ADAMTSL4: variants seen among roughly 807,000 people sequenced by gnomAD.
ADAMTSL4 encodes ADAMTS like 4, also known as ADAMTS-like protein 4.
A neutral mutation model predicts 122.8 loss-of-function variants in ADAMTSL4; 97 were observed. The ratio of observed to expected loss-of-function variants is 0.79; its 90% CI spans 0.67 to 0.93. The LOEUF (loss-of-function observed/expected upper bound fraction) is 0.93. Among genes scored for constraint, ADAMTSL4 ranks in the 40% least tolerant of loss-of-function variants. The pLI is 0.00. For missense variants in ADAMTSL4, 1,408 were observed against 1,453.5 expected, an observed-to-expected ratio of 0.97 and a Z score of 0.51; for synonymous variants, 592 against 568.0, an observed-to-expected ratio of 1.04 and a Z score of -0.60.
Position 150,554,793 on chromosome 1 carries a change from G to T in ADAMTSL4, c.1234+326G>T. On this transcript the variant is annotated intron_variant, in intron 7 of 18. Coordinates refer to ENST00000271643, the MANE Select transcript of ADAMTSL4 (RefSeq NM_019032.6). This position sits in a 1 kb window ranked among gnomAD's most constrained non-coding sequence, Gnocchi z 4.0. Reference sequence around the variant, plus strand: ...GTCCAGCCGTGACAGCCAGGTGGGGGTGTGCCACGCATCCTGGGCACTGTC... The same window carrying T: ...GTCCAGCCGTGACAGCCAGGTGGGGTTGTGCCACGCATCCTGGGCACTGTC... 1.2e-6 allele frequency: 1 copy of T among 804,232 alleles called. No homozygotes were observed. The highest frequency in any genetic ancestry group is 2.7e-5 in the East Asian group (1 of 37,122). 49.8% of individuals were successfully genotyped at this position (804,232 alleles called of 1,614,324 possible). A position where few individuals can be genotyped will look rare whatever the true frequency, so the allele number is the denominator to read the frequency against.
intron 2 of ADAMTSL4, chr1:150,550,415 C>T: frequency 2.3e-6 from 1 of 430,756 alleles, no homozygotes; most frequent in Non-Finnish European, 4.7e-6. Flanking sequence ...CACGTCACCC[C>T]CACCCCTCAC....
Position 150,559,254 on chromosome 1 carries a change from T to C in ADAMTSL4, c.2764-33T>C. On this transcript the variant is annotated intron_variant, in intron 16 of 18. Coordinates refer to ENST00000271643, the MANE Select transcript of ADAMTSL4 (RefSeq NM_019032.6). This position sits in a 1 kb window ranked among gnomAD's most constrained non-coding sequence, Gnocchi z 4.1. ...ACTTGGGGTGCTCTCTGTCCTCCCC[T>C]CCCCTCATCACCCTGCCCTCCCCCT... The C allele has an allele frequency of 6.2e-7, 1 of 1,612,270 alleles. No individual in the cohort carries two copies. The highest frequency in any genetic ancestry group is 1.1e-5 in the South Asian group (1 of 91,000).
At chr1:150,558,849 C>T in intron 15 of ADAMTSL4, 113 bp from the exon 16 acceptor site, 1 of 1,537,500 alleles carries the variant, frequency 6.5e-7, no homozygotes, top group South Asian at 1.2e-5. Context: ...TACCCGGGGA[C>T]ATTCCCAACC....
In ADAMTSL4 at chr1:150,554,702, C is replaced by T. The variant is rs1406001308; in HGVS notation, c.1234+235C>T. The T allele has an allele frequency of 6.7e-7, 1 of 1,501,792 alleles. No homozygotes were observed. The highest frequency in any genetic ancestry group is 8.9e-7 in the Non-Finnish European group (1 of 1,120,414). 93.0% of individuals were successfully genotyped at this position (1,501,792 alleles called of 1,614,324 possible). A position where few individuals can be genotyped will look rare whatever the true frequency, so the allele number is the denominator to read the frequency against. ...GGGAGACACGCTTTGTCCGGACTCC[C>T]CTGGGAAGGCCATCACTGGGGGTCA... On this transcript the variant is annotated intron_variant, in intron 7 of 18. Transcript: ENST00000271643. This position sits in a 1 kb window ranked among gnomAD's most constrained non-coding sequence, Gnocchi z 4.0.
rs760559771 is a variant in ADAMTSL4 at position 150,558,981 on chromosome 1, C to A, written c.2579C>A (p.Thr860Lys). 6.2e-7 allele frequency: 1 copy of A among 1,609,792 alleles called. No homozygotes were observed. The highest frequency in any genetic ancestry group is 8.5e-7 in the Non-Finnish European group (1 of 1,179,190). Residue 860 changes from threonine to lysine, a missense_variant, in exon 16 of 19, where the codon ACG becomes AAG. Transcript: ENST00000271643. Reference protein sequence around the residue: ...WSSKCSAECGTGIQRRSVVCL... With the variant: ...WSSKCSAECGKGIQRRSVVCL... Reference sequence around the variant, plus strand: ...CCGCAGTGCTCAGCCGAGTGTGGGACGGGAATCCAGCGGCGCTCTGTGGTC... The same window carrying A: ...CCGCAGTGCTCAGCCGAGTGTGGGAAGGGAATCCAGCGGCGCTCTGTGGTC...
chr1:150,558,180 G>T (rs750796917), intron 14 of ADAMTSL4, 31 bp downstream of exon 14: 1 of 1,612,814 alleles, frequency 6.2e-7, no homozygotes, highest in Non-Finnish European at 8.5e-7. Context: ...AGGTGCTGGG[G>T]AGGGGAATGG....
rs1467481636 is a variant in ADAMTSL4, at chr1:150,555,012, C to CA, written c.1235-416dup. ...CACCTTTTTTTTTTTTTTTCTGAGA[C>CA]AGAGTCTCACTCTGTCACCCAGGCT... On this transcript the variant is annotated intron_variant, in intron 7 of 18. Coordinates refer to ENST00000271643, the MANE Select transcript of ADAMTSL4 (RefSeq NM_019032.6). Among the ~76,000 whole-genome samples, 13 of 146,116 alleles carry CA rather than the reference C, an allele frequency of 8.9e-5. No homozygotes were observed. The Admixed American group carries it at 8.9e-4, about 10-fold the overall frequency.
chr1:150,556,439 G>A lies in ADAMTSL4; in HGVS notation c.1576+73G>A, dbSNP rs1672127899. 1 of 1,596,658 alleles carries A rather than the reference G, an allele frequency of 6.3e-7. No individual in the cohort carries two copies. The highest frequency in any genetic ancestry group is 1.7e-5 in the Admixed American group (1 of 58,420). On this transcript the variant is annotated intron_variant, in intron 9 of 18. Transcript: ENST00000271643. This position sits in a 1 kb window ranked among gnomAD's most constrained non-coding sequence, Gnocchi z 4.1. ...TCCATACCCCTACTCAGAGCAGTGAGCAAGCCAAACAGGGGGAAGTCCAGG... is the reference window on the plus strand; with the variant it reads ...TCCATACCCCTACTCAGAGCAGTGAACAAGCCAAACAGGGGGAAGTCCAGG...
chr1:150,554,256 C>T lies in ADAMTSL4; in HGVS notation c.1132-109C>T. ...CATCTGACCACCTCAGGGCAGGGGT[C>T]TTGGAGCTCTTCCGCTGACCTGAGC... On this transcript the variant is annotated intron_variant, in intron 6 of 18. Coordinates refer to ENST00000271643, the MANE Select transcript of ADAMTSL4 (RefSeq NM_019032.6). The surrounding 1 kb of genome is among the most constrained non-coding windows in gnomAD (Gnocchi z 4.0). 1 of 1,433,830 alleles carries T rather than the reference C, an allele frequency of 7.0e-7. No individual in the cohort carries two copies. Among genetic ancestry groups the T allele is most frequent in the Non-Finnish European group, 9.7e-7 (1 of 1,025,890 alleles). The allele number at this position is 1,433,830 out of a possible 1,614,324, so 88.8% of individuals were successfully genotyped here.
Position 150,556,972 on chromosome 1 carries a change from T to C in ADAMTSL4, c.1783T>C (p.Tyr595His), listed in dbSNP as rs1387925969. The change falls in exon 11 of 19, where the codon TAT becomes CAT. Residue 595 changes from tyrosine (Y) to histidine (H), a missense_variant. By Grantham distance (83) the Tyr-to-His change is moderately conservative. Transcript: ENST00000271643. The surrounding 1 kb of genome is among the most constrained non-coding windows in gnomAD (Gnocchi z 4.1). ...TCAGGAGGAAAACCCAGGCGTTTTT[T>C]ATCAGTATGTCATCTCTTCACCTCC... ...IFQEENPGVF[Y>H]QYVISSPPPI... 1 of 1,614,134 alleles carries C rather than the reference T, an allele frequency of 6.2e-7. No homozygotes were observed. The highest frequency in any genetic ancestry group is 2.2e-5 in the East Asian group (1 of 44,876).
chr1:150,555,618 C>T, intron 8 of ADAMTSL4, 53 bp downstream of exon 8: 1 of 1,604,682 alleles, frequency 6.2e-7, no homozygotes, highest in Non-Finnish European at 8.5e-7. Context: ...CACACAGACA[C>T]ATGCCCCCAT....
At chr1:150,558,391 G>A in intron 14 of ADAMTSL4, 82 bp from the exon 15 acceptor site, 1 of 1,597,542 alleles carries the variant, frequency 6.3e-7, no homozygotes, top group Non-Finnish European at 8.5e-7. Context: ...CGAAGGCAGA[G>A]CCTGGTTCTG....
At position 150,560,836 on chromosome 1, in the gene ADAMTSL4, C is replaced by A. The variant is rs776897541; in HGVS notation, c.*640C>A. 1.0e-3 allele frequency: 159 copies of A among 158,662 alleles called. No homozygotes were observed. The highest frequency in any genetic ancestry group is 1.9e-3 in the Non-Finnish European group (134 of 71,380). 9.8% of individuals were successfully genotyped at this position (158,662 alleles called of 1,614,324 possible). The stretch of plus-strand genomic sequence containing the variant: ...AGAGAAATGTGAGCATCCGCTCCCC[C>A]ACCACCCCGCCCAGCCCCTAGCCCC... On this transcript the variant is annotated 3_prime_UTR_variant, in exon 19 of 19. Coordinates refer to ENST00000271643, the MANE Select transcript of ADAMTSL4 (RefSeq NM_019032.6).
intron 15 of ADAMTSL4, 70 bp downstream of exon 15, chr1:150,558,719 G>A (rs934794547): frequency 2.5e-6 from 4 of 1,611,962 alleles, no homozygotes; most frequent in African/African-American, 2.7e-5. Flanking sequence ...AGCCTTTCCA[G>A]CATAGCTCAA....
chr1:150,552,895 T>C lies in ADAMTSL4; in HGVS notation c.79-3T>C. ...ATTCTGTCTGACCTTTTTCTCTATATAGGTGTTGTCCGGACACTCTCTTCA... is the reference window on the plus strand; with the variant it reads ...ATTCTGTCTGACCTTTTTCTCTATACAGGTGTTGTCCGGACACTCTCTTCA... On this transcript the variant is annotated splice_region_variant and splice_polypyrimidine_tract_variant and intron_variant, in intron 4 of 18. Transcript: ENST00000271643. The surrounding 1 kb of genome is among the most constrained non-coding windows in gnomAD (Gnocchi z 4.0). 3 of 1,611,800 alleles carry C rather than the reference T, an allele frequency of 1.9e-6. No homozygotes were observed. The highest frequency in any genetic ancestry group is 2.5e-6 in the Non-Finnish European group (3 of 1,179,516).
rs1425644952 is a variant in ADAMTSL4, at chr1:150,560,750, G to C, written c.*554G>C. The C allele has an allele frequency of 6.1e-6, 1 of 164,480 alleles. No homozygotes were observed. 10.2% of individuals were successfully genotyped at this position (164,480 alleles called of 1,614,324 possible). ...CCACTGCCAATCCTGCCTTACTCAG[G>C]AAGGCAGGAGGAAAGAGACTGCCTC... is the stretch of plus-strand genomic sequence containing the variant. On this transcript the variant is annotated 3_prime_UTR_variant, in exon 19 of 19. Coordinates refer to ENST00000271643, the MANE Select transcript of ADAMTSL4 (RefSeq NM_019032.6).
At position 150,557,326 on chromosome 1, in the gene ADAMTSL4, T is replaced by C; in HGVS notation, c.2038T>C (p.Cys680Arg). The change falls in exon 12 of 19, where the codon TGC becomes CGC. Residue 680 changes from cysteine (C) to arginine (R), a missense_variant. Coordinates refer to ENST00000271643, the MANE Select transcript of ADAMTSL4 (RefSeq NM_019032.6). ...RVGHSACSAS[C>R]GKGVWRPIFL... is the part of the protein sequence containing the mutation. ...GGGACACTCTGCATGCTCAGCGTCC[T>C]GCGGGAAAGGTGAGACATCACAGTG... The C allele has an allele frequency of 6.2e-7, 1 of 1,610,784 alleles. No homozygotes were observed. Among genetic ancestry groups the C allele is most frequent in the Non-Finnish European group, 8.5e-7 (1 of 1,178,908 alleles).
Position 150,553,592 on chromosome 1 carries a change from G to A in ADAMTSL4, c.601G>A (p.Ala201Thr). ...GGCTATTCCGTCCCCTACTCCAAGA[G>A]CAGAGCCATTCTCCGCAAACGGCAG... ...EEAIPSPTPRAEPFSANGSPQ... is the reference protein window; with the variant it reads ...EEAIPSPTPRTEPFSANGSPQ... Residue 201 changes from alanine to threonine, a missense_variant, in exon 6 of 19, where the codon GCA (alanine) becomes ACA (threonine). Ala to Thr is a moderately conservative substitution (Grantham distance 58, BLOSUM62 0). Coordinates refer to ENST00000271643, the MANE Select transcript of ADAMTSL4 (RefSeq NM_019032.6). 1 of 1,613,752 alleles carries A rather than the reference G, an allele frequency of 6.2e-7. No homozygotes were observed. Among genetic ancestry groups the A allele is most frequent in the Non-Finnish European group, 8.5e-7 (1 of 1,179,920 alleles).
chr1:150,558,891 C>G, intron 15 of ADAMTSL4, 71 bp from the exon 16 acceptor site: 1 of 1,544,298 alleles, frequency 6.5e-7, no homozygotes, highest in Non-Finnish European at 8.7e-7. Context: ...TGCGTCCCTC[C>G]CTGCCCCCCT....
Sources: allele counts gnomAD v4.1 joint callset (sites outside exome capture counted in the v4.1 genomes callset), GRCh38; gene constraint gnomAD v4.1.1; non-coding constraint Gnocchi (gnomAD v3.1); transcripts MANE v1.5; gene names NCBI Gene and HGNC (gene_info 2026-07-23, HGNC 2026-07-21).